Variants in DAAM2 observed in about 807,000 individuals in gnomAD.
DAAM2 encodes the protein disheveled-associated activator of morphogenesis 2.
DAAM2 carries 39 observed loss-of-function variants against 120.7 expected under a neutral mutation model. That is an observed-to-expected ratio of 0.32 (90% CI 0.25 to 0.42). The LOEUF is 0.42. DAAM2 is among the 10% of genes least tolerant of loss of function. The pLI, the probability that DAAM2 is intolerant of heterozygous loss-of-function variation, is 1.00. For missense variants in DAAM2, 1,283 were observed against 1,401.7 expected, an observed-to-expected ratio of 0.92 and a Z score of 1.35; for synonymous variants, 488 against 524.9, an observed-to-expected ratio of 0.93 and a Z score of 0.96.
At chr6:39,829,172 C>G (rs1458369267) in intron 1 of DAAM2, among the ~76,000 whole-genome samples, 1 of 152,222 alleles carries the variant, frequency 6.6e-6, no homozygotes, top group East Asian at 1.9e-4. Flanking sequence ...ATTGGCATCT[C>G]TTCTTTGTAT....
chr6:39,891,726 G>A lies in DAAM2; in HGVS notation c.2341+4G>A, dbSNP rs1349973915. The A allele has an allele frequency of 2.3e-5, 37 of 1,596,302 alleles. No homozygotes were observed. Among genetic ancestry groups the A allele is most frequent in the Non-Finnish European group, 3.1e-5 (36 of 1,171,346 alleles). ...GAGGCAAAGCCCAAAGTGGAAGGTA[G>A]GGCTGAGGGTTGCAGGAGGCTTAGA... is the stretch of plus-strand genomic sequence containing the variant. On this transcript the variant is annotated splice_donor_region_variant and intron_variant, in intron 19 of 24. Coordinates refer to ENST00000274867, the MANE Select transcript of DAAM2 (RefSeq NM_001201427.2).
At chr6:39,894,553 C>T (rs995449528) in intron 19 of DAAM2, among the ~76,000 whole-genome samples, 1 of 144,226 alleles carries the variant, frequency 6.9e-6, no homozygotes, top group Non-Finnish European at 1.5e-5. Context: ...CCTCCCTCCT[C>T]TCTAAAGGTC....
chr6:39,858,743 G>C (rs1764102431), intron 2 of DAAM2, among the ~76,000 whole-genome samples: 1 of 152,186 alleles, frequency 6.6e-6, no homozygotes, highest in South Asian at 2.1e-4. Context: ...TGGGGCCCTA[G>C]GGTCTGGAGC....
Position 39,897,629 on chromosome 6 carries a change from G to T in DAAM2, c.2618+347G>T, listed in dbSNP as rs547223194. On this transcript the variant is annotated intron_variant, in intron 21 of 24. Transcript: ENST00000274867. The stretch of plus-strand genomic sequence containing the variant: ...GATTATTCATAAAGAGGTGGGAAGA[G>T]GTATTGGGAAGCAGGCTCTGAGTGG... Among the ~76,000 whole-genome samples, 65 of 152,298 alleles carry T rather than the reference G, an allele frequency of 4.3e-4. 1 individual carries two copies. The South Asian group carries it at 5.2e-3, about 12-fold the overall frequency.
At chr6:39,860,342 C>T (rs551852220) in intron 2 of DAAM2, among the ~76,000 whole-genome samples, 78 of 152,310 alleles carry the variant, frequency 5.1e-4, no homozygotes, top group African/African-American at 1.5e-3. Context: ...GGGCATGGCT[C>T]GCCCATCCTA....
At chr6:39,836,881 T>C (rs532838481) in intron 1 of DAAM2, among the ~76,000 whole-genome samples, 3 of 152,338 alleles carry the variant, frequency 2.0e-5, no homozygotes, top group African/African-American at 7.2e-5. Flanking sequence ...AGCTGTAAAA[T>C]AGGAACAATT....
chr6:39,858,756 A>G (rs1366125704), intron 2 of DAAM2, among the ~76,000 whole-genome samples: 1 of 152,200 alleles, frequency 6.6e-6, no homozygotes, highest in Non-Finnish European at 1.5e-5. Context: ...TCTGGAGCTC[A>G]GGAAACTGTT....
Position 39,901,997 on chromosome 6 carries a change from A to C in DAAM2, c.3167A>C (p.Glu1056Ala). ...AAGCGATCAGGGAGCCAGGCCCTGG[A>C]AGTTACCCGGGAGCGGGCAATAAAC... ...SRKRSGSQAL[E>A]VTRERAINRL... is the part of the protein sequence containing the mutation. The change falls in exon 25 of 25, where the codon GAA becomes GCA. Residue 1056 changes from glutamate to alanine, a missense_variant. Coordinates refer to ENST00000274867, the MANE Select transcript of DAAM2 (RefSeq NM_001201427.2). The surrounding 1 kb of genome is among the most constrained non-coding windows in gnomAD (Gnocchi z 4.5). The C allele has an allele frequency of 6.2e-7, 1 of 1,611,766 alleles. No individual in the cohort carries two copies. The highest frequency in any genetic ancestry group is 8.5e-7 in the Non-Finnish European group (1 of 1,178,326).
chr6:39,835,833 T>A (rs1452680530), intron 1 of DAAM2, among the ~76,000 whole-genome samples: 1 of 152,118 alleles, frequency 6.6e-6, no homozygotes, highest in Non-Finnish European at 1.5e-5. Flanking sequence ...AAGGGCCCTG[T>A]CTTGGGAGAA....
intron 1 of DAAM2, among the ~76,000 whole-genome samples, chr6:39,835,075 T>C (rs1277505043): frequency 6.6e-6 from 1 of 152,210 alleles, no homozygotes; most frequent in Non-Finnish European, 1.5e-5. Flanking sequence ...TGTGCATGAC[T>C]CTCCCACTGG....
At chr6:39,831,464 A>C (rs796551543) in intron 1 of DAAM2, among the ~76,000 whole-genome samples, 4 of 152,036 alleles carry the variant, frequency 2.6e-5, no homozygotes, top group African/African-American at 9.7e-5. Flanking sequence ...GCAGATTACT[A>C]TTATTATTCT....
intron 1 of DAAM2, among the ~76,000 whole-genome samples, chr6:39,814,962 C>T (rs1421745005): frequency 3.9e-5 from 6 of 152,202 alleles, no homozygotes; most frequent in Non-Finnish European, 8.8e-5. Flanking sequence ...ACCCGAGGAG[C>T]CCTGTCTTTG....
At chr6:39,818,513 CTT>C (rs988070565) in intron 1 of DAAM2, among the ~76,000 whole-genome samples, 1 of 152,204 alleles carries the variant, frequency 6.6e-6, no homozygotes, top group African/African-American at 2.4e-5. Flanking sequence ...TAGTGTTAGA[CTT>C]AGCTCTACCT....
intron 1 of DAAM2, among the ~76,000 whole-genome samples, chr6:39,845,110 C>T (rs1763512773): frequency 6.9e-6 from 1 of 145,020 alleles, no homozygotes; most frequent in Admixed American, 6.9e-5. Flanking sequence ...TACACACATA[C>T]CACATGTACC....
In DAAM2 at chr6:39,871,242, A is replaced by G. The variant is rs771624591; in HGVS notation, c.978-264A>G. Among the ~76,000 whole-genome samples, 119 of 152,286 alleles carry G rather than the reference A, an allele frequency of 7.8e-4. 1 individual carries two copies. Among genetic ancestry groups the G allele is most frequent in the Non-Finnish European group, 1.3e-4 (9 of 68,014 alleles). Reference sequence around the variant, plus strand: ...CCACAACCAAAGATAAGCGAGCCCAAAATGTCAGTAGTGCCGAAGTATAGA... The same window carrying G: ...CCACAACCAAAGATAAGCGAGCCCAGAATGTCAGTAGTGCCGAAGTATAGA... On this transcript the variant is annotated intron_variant, in intron 8 of 24. Transcript: ENST00000274867.
intron 11 of DAAM2, 107 bp downstream of exon 11, chr6:39,875,575 C>A: frequency 7.5e-7 from 1 of 1,342,050 alleles, no homozygotes; most frequent in Non-Finnish European, 1.0e-6. Context: ...CCAGTCATCC[C>A]GAAATGAGTC....
At chr6:39,836,154 C>CA (rs1763094070) in intron 1 of DAAM2, among the ~76,000 whole-genome samples, 2 of 152,104 alleles carry the variant, frequency 1.3e-5, no homozygotes, top group African/African-American at 4.8e-5. Context: ...CAGCAGACCT[C>CA]CCCCCTGTGC....
chr6:39,879,589 G>T (rs753100243), intron 14 of DAAM2, 112 bp downstream of exon 14: 11 of 1,403,800 alleles, frequency 7.8e-6, no homozygotes, highest in Admixed American at 5.1e-5. Flanking sequence ...TTTCTTTGGT[G>T]GGGGGTAAGG....
In DAAM2 at chr6:39,902,188, G is replaced by A; in HGVS notation, c.*151G>A. 1.7e-6 allele frequency: 1 copy of A among 576,806 alleles called. No individual in the cohort carries two copies. The highest frequency in any genetic ancestry group is 2.9e-6 in the Non-Finnish European group (1 of 339,806). The allele number at this position is 576,806 out of a possible 1,614,324, so 35.7% of individuals were successfully genotyped here. On this transcript the variant is annotated 3_prime_UTR_variant, in exon 25 of 25. Transcript: ENST00000274867. ...GGGGGGCTGTGTGTGGCTGGACCAG[G>A]TGTCTCCCCACGCTTACCTTAAGGG... is the stretch of plus-strand genomic sequence containing the variant.
Sources: gnomAD v4.1 joint callset for allele counts (sites outside exome capture counted in the v4.1 genomes callset) on GRCh38, gnomAD v4.1.1 for gene constraint, Gnocchi (gnomAD v3.1) non-coding constraint, MANE v1.5 for transcripts, NCBI Gene and HGNC (gene_info 2026-07-23, HGNC 2026-07-21) for gene names.